UACA: variants seen among roughly 807,000 people sequenced by gnomAD.
The protein encoded by UACA is nuclear membrane binding protein.
Under a neutral mutation model 160.5 loss-of-function variants are expected in UACA, and 112 were observed. That is an observed-to-expected ratio of 0.70 (90% CI 0.60 to 0.82). The LOEUF is 0.82. Among genes scored for constraint, UACA ranks in the 40% least tolerant of loss-of-function variants. The probability of loss-of-function intolerance (pLI) is 0.00; values close to 1 mark genes in which losing one functional copy is unlikely to be tolerated. For missense variants in UACA, 1,574 were observed against 1,614.6 expected (o/e 0.97, Z 0.43); for synonymous variants, 557 against 568.4 (o/e 0.98, Z 0.29).
At chr15:70,662,023 G>A (rs1456885692) in intron 17 of UACA, among the ~76,000 whole-genome samples, 1 of 152,100 alleles carries the variant, frequency 6.6e-6, no homozygotes, top group Non-Finnish European at 1.5e-5. Flanking sequence ...CAATCAGGCA[G>A]GAGAAGGAAA....
At chr15:70,674,679 C>T (rs747901300) in intron 13 of UACA, among the ~76,000 whole-genome samples, 1 of 152,114 alleles carries the variant, frequency 6.6e-6, no homozygotes, top group Non-Finnish European at 1.5e-5. Flanking sequence ...CTCATTGCAA[C>T]CTCCACCTCC....
chr15:70,760,805 CAA>C (rs34530236), intron 1 of UACA, among the ~76,000 whole-genome samples: 6 of 63,000 alleles, frequency 9.5e-5, no homozygotes, highest in Non-Finnish European at 6.4e-5. Context: ...GACTCCGTCT[CAA>C]AAAAAAAAAA....
In UACA at chr15:70,699,575, G is replaced by C. The variant is rs1201845955; in HGVS notation, c.164C>G (p.Ala55Gly). The part of the protein sequence containing the change: ...GDVEKVTSIL[A>G]KKGVNPGKLD... ...TTTGCCTGGATTGACCCCCTTTTTA[G>C]CAAGGATTGAGGTCACTTTTTCTAC... Residue 55 changes from alanine (A) to glycine (G), a missense_variant, in exon 2 of 19, where the codon GCT (alanine) becomes GGT (glycine). By Grantham distance (60) the Ala-to-Gly change is moderately conservative (BLOSUM62 0). Transcript: ENST00000322954. The C allele has an allele frequency of 6.2e-7, 1 of 1,609,444 alleles. No individual in the cohort carries two copies. The highest frequency in any genetic ancestry group is 8.5e-7 in the Non-Finnish European group (1 of 1,178,892).
chr15:70,672,595 T>C (rs1051479118), intron 13 of UACA, among the ~76,000 whole-genome samples: 12 of 152,182 alleles, frequency 7.9e-5, no homozygotes, highest in African/African-American at 2.9e-4. Context: ...CAAAATATAC[T>C]GGGTTGTTCC....
intron 1 of UACA, chr15:70,701,749 A>C (rs1898371588): frequency 1.2e-6 from 1 of 853,458 alleles, no homozygotes; most frequent in African/African-American, 1.7e-5. Flanking sequence ...CAATCTGCTA[A>C]TCAACTTAAT....
upstream of UACA, chr15:70,768,232 G>GTTATGCA (rs2011434671): frequency 6.6e-6 from 1 of 152,168 alleles, no homozygotes; most frequent in South Asian, 2.1e-4. Flanking sequence ...ATTGTTATGC[G>GTTATGCA]TTTAGCTATA....
chr15:70,677,057 T>C (rs373466764), intron 12 of UACA, 51 bp downstream of exon 12: 10 of 1,443,050 alleles, frequency 6.9e-6, no homozygotes, highest in African/African-American at 2.8e-5. Context: ...TACTATATCA[T>C]CTTCAATTCC....
chr15:70,741,410 G>A (rs111443654), intron 1 of UACA, among the ~76,000 whole-genome samples: 16 of 152,288 alleles, frequency 1.1e-4, no homozygotes, highest in African/African-American at 3.9e-4. Context: ...ACATGTGCTA[G>A]TACCAAACAA....
chr15:70,675,137 C>G (rs942328437), intron 13 of UACA, among the ~76,000 whole-genome samples: 1 of 152,086 alleles, frequency 6.6e-6, no homozygotes, highest in Non-Finnish European at 1.5e-5. Context: ...ATGGGTAAAC[C>G]TCTCTGTGCC....
intron 3 of UACA, among the ~76,000 whole-genome samples, chr15:70,693,911 G>A (rs946636868): frequency 2.0e-5 from 3 of 152,060 alleles, no homozygotes; most frequent in African/African-American, 7.2e-5. Flanking sequence ...TTCACTCAAA[G>A]GTAGCAGATA....
At position 70,758,106 on chromosome 15, in the gene UACA, A is replaced by G. The variant is rs141891391; in HGVS notation, c.78+5224T>C. Among the ~76,000 whole-genome samples the G allele has an allele frequency of 3.4e-3, 517 of 152,320 alleles. 4 individuals carry two copies. Among genetic ancestry groups the G allele is most frequent in the African/African-American group, 0.011 (457 of 41,568 alleles). ...ATCATTACACCATCCTTATTAAAAA[A>G]CTAATTAAAATCCTTTACTCATCAC... On this transcript the variant is annotated intron_variant, in intron 1 of 18. Transcript: ENST00000322954.
intron 18 of UACA, among the ~76,000 whole-genome samples, chr15:70,657,766 G>GT (rs1595861381): frequency 1.3e-5 from 2 of 151,866 alleles, no homozygotes; most frequent in East Asian, 3.9e-4. Flanking sequence ...TGCTGCTGAG[G>GT]TTTTTTGTTT....
chr15:70,777,660 A>G, the UACA span, among the ~76,000 whole-genome samples: 1 of 152,190 alleles, frequency 6.6e-6, no homozygotes, highest in Non-Finnish European at 1.5e-5. Flanking sequence ...TGAAATTACC[A>G]TTGCATTTAG....
At chr15:70,724,217 T>G (rs1013035241) in intron 1 of UACA, among the ~76,000 whole-genome samples, 1 of 152,176 alleles carries the variant, frequency 6.6e-6, no homozygotes, top group African/African-American at 2.4e-5. Context: ...ATACTGCAAT[T>G]AAAGAATTCT....
intron 1 of UACA, among the ~76,000 whole-genome samples, chr15:70,742,835 T>G (rs1899580005): frequency 6.6e-6 from 1 of 152,226 alleles, no homozygotes. Flanking sequence ...CATATCAATT[T>G]TCTATTGCCA....
At chr15:70,763,245 G>A in intron 1 of UACA, 85 bp downstream of exon 1, 1 of 1,266,486 alleles carries the variant, frequency 7.9e-7, no homozygotes, top group Non-Finnish European at 1.0e-6. Context: ...AAAAGCAGAG[G>A]AAGGCGGCGC....
rs908338764 is a variant in UACA at position 70,666,612 on chromosome 15, T to G, written c.3960+112A>C. On this transcript the variant is annotated intron_variant, in intron 16 of 18. Coordinates refer to ENST00000322954, the MANE Select transcript of UACA (RefSeq NM_018003.4). ...AATTTTTGCACGCAAGTTGCTAAAC[T>G]GGAAAGGGTCACTTTGTTAATACCT... 45 of 863,572 alleles carry G rather than the reference T, an allele frequency of 5.2e-5. No homozygotes were observed. In the African/African-American group the frequency reaches 7.9e-4, roughly 15 times the overall value. 53.5% of individuals were successfully genotyped at this position (863,572 alleles called of 1,614,324 possible). A position where few individuals can be genotyped will look rare whatever the true frequency, so the allele number is the denominator to read the frequency against.
Position 70,707,758 on chromosome 15 carries a change from T to C in UACA, c.79-8098A>G, listed in dbSNP as rs1028896320. ...CATTACGAATGCTAACATCCCAAAATAAGGAATAAGAAAAGAACAAGTGTT... is the reference window on the plus strand; with the variant it reads ...CATTACGAATGCTAACATCCCAAAACAAGGAATAAGAAAAGAACAAGTGTT... On this transcript the variant is annotated intron_variant, in intron 1 of 18. Coordinates refer to ENST00000322954, the MANE Select transcript of UACA (RefSeq NM_018003.4). 3.2e-4 allele frequency among the ~76,000 whole-genome samples: 48 copies of C among 151,272 alleles called. 2 individuals are homozygous for C. Among genetic ancestry groups the C allele is most frequent in the Non-Finnish European group, 2.9e-5 (2 of 67,814 alleles).
At chr15:70,774,714 C>A in the UACA span, among the ~76,000 whole-genome samples, 77 of 151,830 alleles carry the variant, frequency 5.1e-4, 1 homozygote, top group African/African-American at 1.2e-3. Context: ...TAGAAAAAAA[C>A]CAAGACTTGA....
Sources: allele counts gnomAD v4.1 joint callset (sites outside exome capture counted in the v4.1 genomes callset), GRCh38; gene constraint gnomAD v4.1.1; transcripts MANE v1.5; gene names NCBI Gene and HGNC (gene_info 2026-07-23, HGNC 2026-07-21).